The following ANO4 variants were observed in gnomAD, a reference collection of about 807,000 sequenced individuals.
ANO4 encodes anoctamin 4, also known as anoctamin-4.
A neutral mutation model predicts 141.9 loss-of-function variants in ANO4; 69 were observed. That is an observed-to-expected ratio of 0.49 (90% confidence interval 0.40 to 0.59). The LOEUF is 0.59. ANO4 is among the 20% of genes least tolerant of loss of function. The pLI is 0.00. For synonymous variants in ANO4, 350 were observed against 394.3 expected (o/e 0.89, Z 1.33); for missense variants, 894 against 1,162.2 (o/e 0.77, Z 3.36).
At chr12:101,102,152 A>C (rs2050217391) in intron 22 of ANO4, among the ~76,000 whole-genome samples, 1 of 152,164 alleles carries the variant, frequency 6.6e-6, no homozygotes, top group Non-Finnish European at 1.5e-5. Flanking sequence ...GTTGTTTCCA[A>C]ATTTAGGCTC....
At chr12:100,838,870 G>A (rs2037086314) in intron 1 of ANO4, among the ~76,000 whole-genome samples, 1 of 152,118 alleles carries the variant, frequency 6.6e-6, no homozygotes, top group South Asian at 2.1e-4. Flanking sequence ...AAGTGTTTGA[G>A]ATGGGTTAAA....
chr12:100,838,499 A>G (rs1255516794), intron 1 of ANO4, among the ~76,000 whole-genome samples: 2 of 152,202 alleles, frequency 1.3e-5, no homozygotes, highest in East Asian at 1.9e-4. Context: ...TGGAAAAGTC[A>G]GAAAAGACTT....
At chr12:100,806,706 A>G (rs886271191) in intron 1 of ANO4, among the ~76,000 whole-genome samples, 9 of 150,912 alleles carry the variant, frequency 6.0e-5, no homozygotes, top group African/African-American at 2.2e-4. Context: ...CACCATGCCC[A>G]GCTAATTTTT....
At chr12:100,722,392 A>G (rs900721105) in intron 1 of ANO4, among the ~76,000 whole-genome samples, 3 of 152,072 alleles carry the variant, frequency 2.0e-5, no homozygotes, top group African/African-American at 7.2e-5. Flanking sequence ...GTGTAGGGCT[A>G]AAAATTGAAC....
At chr12:100,968,231 A>G (rs1218892977) in intron 5 of ANO4, among the ~76,000 whole-genome samples, 2 of 151,730 alleles carry the variant, frequency 1.3e-5, no homozygotes, top group African/African-American at 2.4e-5. Context: ...GTATGTGTTC[A>G]GATAATGAAC....
At chr12:100,787,884 G>T (rs2135599100) in intron 3 of ANO4, among the ~76,000 whole-genome samples, 1 of 152,284 alleles carries the variant, frequency 6.6e-6, no homozygotes, top group East Asian at 1.9e-4. Context: ...AAAAAAGCTT[G>T]GATTTGGTAT....
intron 6 of ANO4, 100 bp from the exon 7 acceptor site, chr12:100,974,745 C>G: frequency 7.7e-7 from 1 of 1,291,136 alleles, no homozygotes. Flanking sequence ...TCACCTCTTA[C>G]AGGCTTCTAT....
At chr12:101,100,453 A>G (rs1004931187) in intron 22 of ANO4, among the ~76,000 whole-genome samples, 1 of 152,148 alleles carries the variant, frequency 6.6e-6, no homozygotes, top group Non-Finnish European at 1.5e-5. Context: ...TGTTCTAAGT[A>G]TCTACTTATG....
chr12:100,799,299 C>T (rs1055365738), intron 1 of ANO4, among the ~76,000 whole-genome samples: 2 of 152,036 alleles, frequency 1.3e-5, no homozygotes, highest in Admixed American at 1.3e-4. Flanking sequence ...TTCCTTTGAC[C>T]CTGCAAAGCC....
intron 5 of ANO4, among the ~76,000 whole-genome samples, chr12:100,947,164 G>A (rs984055868): frequency 2.6e-5 from 4 of 152,182 alleles, no homozygotes; most frequent in Non-Finnish European, 5.9e-5. Context: ...ATGAAGTTTG[G>A]TCAATAAAGA....
intron 1 of ANO4, among the ~76,000 whole-genome samples, chr12:100,731,346 C>A (rs1314319348): frequency 6.6e-6 from 1 of 152,214 alleles, no homozygotes. Context: ...ATCACTTATA[C>A]CCTATGTTAA....
chr12:100,908,459 TAAAG>T (rs2040946641), intron 2 of ANO4, among the ~76,000 whole-genome samples: 1 of 152,170 alleles, frequency 6.6e-6, no homozygotes, highest in Admixed American at 6.5e-5. Context: ...AAAATATAAA[TAAAG>T]CCAATCCTCT....
chr12:100,987,278 A>G (rs953950685), intron 7 of ANO4: 3 of 400,266 alleles, frequency 7.5e-6, no homozygotes, highest in South Asian at 5.9e-5. Context: ...TTGGTCATTT[A>G]TTATTGGCAT....
At chr12:101,125,802 G>A (rs950021323) in intron 26 of ANO4, among the ~76,000 whole-genome samples, 2 of 152,132 alleles carry the variant, frequency 1.3e-5, no homozygotes, top group African/African-American at 4.8e-5. Context: ...TGCCAGTATT[G>A]TATTGAGGCT....
intron 1 of ANO4, among the ~76,000 whole-genome samples, chr12:100,845,154 T>C (rs2037491691): frequency 6.6e-6 from 1 of 151,518 alleles, no homozygotes; most frequent in East Asian, 1.9e-4. Flanking sequence ...TTGAGTGGGG[T>C]GTAGGTGGGT....
intron 1 of ANO4, among the ~76,000 whole-genome samples, chr12:100,721,138 C>G (rs1329544529): frequency 6.6e-6 from 1 of 152,184 alleles, no homozygotes; most frequent in African/African-American, 2.4e-5. Flanking sequence ...ATGCTCTTCT[C>G]TCTTTGTGTT....
intron 8 of ANO4, among the ~76,000 whole-genome samples, 185 bp from the exon 9 acceptor site, chr12:101,019,849 A>G (rs775548334): frequency 1.1e-4 from 17 of 152,312 alleles, no homozygotes; most frequent in Middle Eastern, 6.8e-3. Flanking sequence ...GCTGAAAACC[A>G]AAACTACTCA....
At chr12:100,978,088 C>T (rs1258931549) in intron 7 of ANO4, among the ~76,000 whole-genome samples, 2 of 152,204 alleles carry the variant, frequency 1.3e-5, no homozygotes, top group African/African-American at 2.4e-5. Flanking sequence ...AATCCTATGG[C>T]CCCATCACCC....
chr12:100,871,705 A>T (rs1163840955), intron 1 of ANO4, among the ~76,000 whole-genome samples: 6 of 152,222 alleles, frequency 3.9e-5, no homozygotes, highest in Non-Finnish European at 1.5e-5. Flanking sequence ...GGTGAGGGCC[A>T]GCTTCCTGGT....
Sources: gnomAD v4.1 joint callset for allele counts (sites outside exome capture counted in the v4.1 genomes callset) on GRCh38, gnomAD v4.1.1 for gene constraint, MANE v1.5 for transcripts, NCBI Gene and HGNC (gene_info 2026-07-23, HGNC 2026-07-21) for gene names.